ZNF521: variants seen among roughly 807,000 people sequenced by gnomAD.
ZNF521 encodes zinc finger protein 521, also known as LYST-interacting protein 3.
Under a neutral mutation model 105.5 loss-of-function variants are expected in ZNF521, and 14 were observed. The observed-to-expected ratio is 0.13, with a 90% CI of 0.09 to 0.21. ZNF521 has a LOEUF of 0.21. ZNF521 is among the 10% of genes least tolerant of loss of function. The pLI is 1.00. For synonymous variants in ZNF521, 635 were observed against 606.0 expected (o/e 1.05, Z -0.70); for missense variants, 1,233 against 1,629.7 (o/e 0.76, Z 4.19).
intron 3 of ZNF521, among the ~76,000 whole-genome samples, chr18:25,298,987 C>T (rs964601949): frequency 3.9e-5 from 6 of 152,276 alleles, no homozygotes; most frequent in Admixed American, 1.3e-4. Flanking sequence ...CCTTGGACAA[C>T]GGACATCCTG....
At chr18:25,239,024 T>A (rs1907123258) in intron 3 of ZNF521, among the ~76,000 whole-genome samples, 1 of 152,116 alleles carries the variant, frequency 6.6e-6, no homozygotes, top group South Asian at 2.1e-4. Flanking sequence ...CCGTGTTTGC[T>A]CCTCTGTAAT....
intron 1 of ZNF521, chr18:25,351,691 CTAAAG>C (rs1914783848): frequency 6.6e-6 from 1 of 152,662 alleles, no homozygotes; most frequent in Non-Finnish European, 1.5e-5. Flanking sequence ...TTAACCCACA[CTAAAG>C]TAATTTCTTT....
intron 3 of ZNF521, among the ~76,000 whole-genome samples, chr18:25,259,619 G>A (rs1332469843): frequency 6.6e-6 from 1 of 152,096 alleles, no homozygotes; most frequent in Non-Finnish European, 1.5e-5. Flanking sequence ...AGGTGAACTA[G>A]AATTTCAAGA....
Position 25,224,515 on chromosome 18 carries a change from C to T in ZNF521, c.3403G>A (p.Gly1135Arg). The change falls in exon 4 of 8, where the codon GGA becomes AGA. Residue 1135 changes from glycine (G) to arginine (R), a missense_variant. Physicochemically the swap from Gly to Arg is moderately radical, Grantham distance 125 (BLOSUM62 -2). This residue lies in a region of ZNF521 where 614 missense variants were observed against 751.5 expected (regional missense o/e 0.82). Transcript: ENST00000361524. ...CAGCTAGAGCAGCGTGTCTTCAGTC[C>T]CCCCACCTTGCCTTTCCCCTCAATG... ...SAIEGKGKVGGLKTRCSSCNV... is the reference protein window; with the variant it reads ...SAIEGKGKVGRLKTRCSSCNV... 6.2e-7 allele frequency: 1 copy of T among 1,613,886 alleles called. No homozygotes were observed. Among genetic ancestry groups the T allele is most frequent in the Non-Finnish European group, 8.5e-7 (1 of 1,179,970 alleles).
chr18:25,107,103 A>C (rs2034088047), intron 5 of ZNF521, among the ~76,000 whole-genome samples: 1 of 152,220 alleles, frequency 6.6e-6, no homozygotes, highest in Non-Finnish European at 1.5e-5. Context: ...CCCTGCCACT[A>C]ACAAGCTGAG....
chr18:25,311,042 T>C (rs972933302), intron 3 of ZNF521, among the ~76,000 whole-genome samples: 3 of 152,106 alleles, frequency 2.0e-5, no homozygotes, highest in Admixed American at 6.5e-5. Context: ...TCACCTCTAA[T>C]CGATCAATTT....
intron 2 of ZNF521, among the ~76,000 whole-genome samples, chr18:25,331,392 C>A (rs1913558311): frequency 6.6e-6 from 1 of 151,750 alleles, no homozygotes; most frequent in Non-Finnish European, 1.5e-5. Context: ...TACATAATGA[C>A]CAGGTATACT....
intron 5 of ZNF521, among the ~76,000 whole-genome samples, chr18:25,183,310 T>C (rs1385518774): frequency 2.0e-5 from 3 of 152,206 alleles, no homozygotes; most frequent in Non-Finnish European, 4.4e-5. Flanking sequence ...TTAGGACAGC[T>C]TAAAATAATC....
intron 4 of ZNF521, among the ~76,000 whole-genome samples, chr18:25,197,897 C>G (rs2035929008): frequency 6.6e-6 from 1 of 151,802 alleles, no homozygotes; most frequent in South Asian, 2.1e-4. Flanking sequence ...GTGCCATACT[C>G]CAGGTATGAT....
chr18:25,329,026 G>A (rs1913400243), intron 2 of ZNF521, among the ~76,000 whole-genome samples: 1 of 152,192 alleles, frequency 6.6e-6, no homozygotes, highest in African/African-American at 2.4e-5. Context: ...TTCTATGGCT[G>A]CCTTGTCACA....
chr18:25,198,012 A>C (rs1017462966), intron 4 of ZNF521, among the ~76,000 whole-genome samples: 4 of 151,920 alleles, frequency 2.6e-5, no homozygotes, highest in Admixed American at 6.6e-5. Context: ...TTCTTTTAAA[A>C]GCAGATAAAA....
At chr18:25,330,754 A>G (rs1913520566) in intron 2 of ZNF521, among the ~76,000 whole-genome samples, 3 of 152,222 alleles carry the variant, frequency 2.0e-5, no homozygotes, top group Admixed American at 2.0e-4. Context: ...AAAACACCAG[A>G]CTACTACTTT....
chr18:25,105,715 C>T (rs1234719579), intron 5 of ZNF521, among the ~76,000 whole-genome samples: 1 of 152,044 alleles, frequency 6.6e-6, no homozygotes, highest in African/African-American at 2.4e-5. Flanking sequence ...TTACTGAGAG[C>T]CTGGCTCAAA....
intron 2 of ZNF521, among the ~76,000 whole-genome samples, chr18:25,345,101 C>G (rs1343347960): frequency 6.6e-6 from 1 of 152,074 alleles, no homozygotes; most frequent in Non-Finnish European, 1.5e-5. Context: ...TAGAATTTAC[C>G]AGACTAACGA....
intron 3 of ZNF521, among the ~76,000 whole-genome samples, chr18:25,274,419 T>G (rs1331358524): frequency 3.3e-5 from 5 of 152,224 alleles, no homozygotes; most frequent in Admixed American, 6.5e-5. Context: ...GTTGTTACTG[T>G]GCTGTTATCT....
intron 4 of ZNF521, among the ~76,000 whole-genome samples, chr18:25,196,288 G>A (rs773231488): frequency 5.3e-5 from 8 of 151,412 alleles, no homozygotes; most frequent in East Asian, 1.9e-4. Flanking sequence ...TCTTATAAGC[G>A]TTTTTTACAG....
chr18:25,136,305 A>G (rs1324954583), intron 5 of ZNF521, among the ~76,000 whole-genome samples: 1 of 152,160 alleles, frequency 6.6e-6, no homozygotes, highest in Non-Finnish European at 1.5e-5. Context: ...TAAGCTTTGG[A>G]GATAGAGGAG....
chr18:25,307,277 C>T (rs1225486096), intron 3 of ZNF521, among the ~76,000 whole-genome samples: 1 of 152,154 alleles, frequency 6.6e-6, no homozygotes, highest in Non-Finnish European at 1.5e-5. Flanking sequence ...AATATGTGTT[C>T]ACTCCCCTGC....
At chr18:25,169,586 C>G (rs114397529) in intron 5 of ZNF521, among the ~76,000 whole-genome samples, 4,645 of 152,188 alleles carry the variant, frequency 0.031, 89 homozygotes, top group South Asian at 0.076. Flanking sequence ...CATCCCTTTA[C>G]TTTATAAATA....
Sources: allele counts gnomAD v4.1 joint callset (sites outside exome capture counted in the v4.1 genomes callset), GRCh38; gene constraint gnomAD v4.1.1; regional missense constraint gnomAD v4.1.1; transcripts MANE v1.5; gene names NCBI Gene and HGNC (gene_info 2026-07-23, HGNC 2026-07-21).